The following CCSER1 variants were observed in gnomAD, a reference collection of about 807,000 sequenced individuals.
CCSER1 encodes the protein coiled-coil serine rich protein 1, also known as serine-rich coiled-coil domain-containing protein 1.
In CCSER1, 41 loss-of-function variants were observed where a neutral mutation model predicts 82.0. The observed-to-expected ratio is 0.50, with a 90% CI of 0.39 to 0.65. The LOEUF is 0.65. Ranked by LOEUF, CCSER1 falls within the 30% of genes least tolerant of loss-of-function variation. The pLI, the probability that CCSER1 is intolerant of heterozygous loss-of-function variation, is 0.00. For missense variants in CCSER1, 1,119 were observed against 1,064.2 expected (o/e 1.05, Z -0.72); for synonymous variants, 414 against 383.9 (o/e 1.08, Z -0.92).
intron 10 of CCSER1, among the ~76,000 whole-genome samples, chr4:91,334,709 GAGTA>G (rs1389927610): frequency 1.3e-5 from 2 of 152,106 alleles, no homozygotes; most frequent in African/African-American, 4.8e-5. Context: ...ACATTTAAGT[GAGTA>G]AGTGTCATCA....
intron 3 of CCSER1, among the ~76,000 whole-genome samples, chr4:90,313,877 A>G (rs1410800575): frequency 6.6e-6 from 1 of 152,192 alleles, no homozygotes; most frequent in Non-Finnish European, 1.5e-5. Context: ...AACATCTATT[A>G]TCTAAAAATG....
At chr4:90,708,912 T>G (rs1183427522) in intron 6 of CCSER1, among the ~76,000 whole-genome samples, 1 of 152,252 alleles carries the variant, frequency 6.6e-6, no homozygotes. Flanking sequence ...TAGTAAAAAT[T>G]AAGGCATTAG....
In CCSER1 at chr4:91,081,122, C is replaced by A. The variant is rs369521502; in HGVS notation, c.2173-4828C>A. Among the ~76,000 whole-genome samples, 15 of 152,282 alleles carry A rather than the reference C, an allele frequency of 9.9e-5. No individual in the cohort carries two copies. The South Asian group carries it at 3.1e-3, about 32-fold the overall frequency. On this transcript the variant is annotated intron_variant, in intron 9 of 10. Transcript: ENST00000509176. ...CACAACAAAAAAAGGGAGTTTTAGA[C>A]CAATATCCCTCATGAACATCGATGC... is the stretch of plus-strand genomic sequence containing the variant.
intron 1 of CCSER1, among the ~76,000 whole-genome samples, chr4:90,248,979 G>C (rs1721912694): frequency 6.6e-6 from 1 of 152,066 alleles, no homozygotes; most frequent in Admixed American, 6.6e-5. Flanking sequence ...TTACATGCAT[G>C]AGCCACAATG....
chr4:90,183,817 A>C (rs1003955153), intron 1 of CCSER1, among the ~76,000 whole-genome samples: 12 of 152,130 alleles, frequency 7.9e-5, no homozygotes, highest in Non-Finnish European at 1.5e-4. Flanking sequence ...TATTTTCCCA[A>C]ATATTTGAGT....
intron 1 of CCSER1, among the ~76,000 whole-genome samples, chr4:90,260,707 T>TA (rs1268876781): frequency 6.6e-6 from 1 of 152,164 alleles, no homozygotes. Flanking sequence ...TTCTAATTTT[T>TA]TATTTGATTT....
chr4:91,039,212 C>T (rs957033511), intron 9 of CCSER1, among the ~76,000 whole-genome samples: 3 of 145,668 alleles, frequency 2.1e-5, no homozygotes, highest in East Asian at 2.0e-4. Context: ...TTCTTTCTTT[C>T]TTTTTTTTTT....
At chr4:91,149,300 A>G (rs1729881915) in intron 10 of CCSER1, among the ~76,000 whole-genome samples, 1 of 152,196 alleles carries the variant, frequency 6.6e-6, no homozygotes, top group Admixed American at 6.5e-5. Flanking sequence ...GTGTCTGTTC[A>G]TATCCTTTGC....
At chr4:90,322,145 T>A (rs1358692582) in intron 3 of CCSER1, among the ~76,000 whole-genome samples, 2 of 152,158 alleles carry the variant, frequency 1.3e-5, no homozygotes, top group Non-Finnish European at 2.9e-5. Context: ...TCCATTTTGA[T>A]TTGATTTTTA....
At chr4:91,417,854 T>A (rs564417621) in intron 10 of CCSER1, among the ~76,000 whole-genome samples, 3 of 151,446 alleles carry the variant, frequency 2.0e-5, no homozygotes, top group South Asian at 4.2e-4. Context: ...AAAATAAAAG[T>A]TGAAGAGAAT....
intron 5 of CCSER1, among the ~76,000 whole-genome samples, chr4:90,605,033 CTG>C (rs971549304): frequency 3.9e-5 from 6 of 152,294 alleles, no homozygotes; most frequent in African/African-American, 1.4e-4. Context: ...TGTTCTTTGG[CTG>C]TTGGCAGTAA....
chr4:90,933,486 T>C (rs34370166), intron 9 of CCSER1, among the ~76,000 whole-genome samples: 63,466 of 151,292 alleles, frequency 0.42, 13,761 homozygotes, highest in African/African-American at 0.53. Context: ...CGTGCCAGGA[T>C]GAAGTGTTTT....
At chr4:91,218,103 G>A (rs781120034) in intron 10 of CCSER1, among the ~76,000 whole-genome samples, 4 of 152,228 alleles carry the variant, frequency 2.6e-5, no homozygotes, top group Non-Finnish European at 5.9e-5. Context: ...TGCAGGTCCC[G>A]AGCCCTGCCC....
At chr4:90,300,420 C>A (rs1023216489) in intron 1 of CCSER1, among the ~76,000 whole-genome samples, 1 of 152,100 alleles carries the variant, frequency 6.6e-6, no homozygotes, top group Non-Finnish European at 1.5e-5. Flanking sequence ...GATGTAGTAT[C>A]TTCTCATTCT....
At chr4:90,534,691 G>A (rs1218718197) in intron 5 of CCSER1, among the ~76,000 whole-genome samples, 1 of 152,080 alleles carries the variant, frequency 6.6e-6, no homozygotes, top group Non-Finnish European at 1.5e-5. Flanking sequence ...ATTTAGGATA[G>A]GAAATCAATT....
At chr4:90,591,024 A>G (rs1369786510) in intron 5 of CCSER1, among the ~76,000 whole-genome samples, 1 of 152,058 alleles carries the variant, frequency 6.6e-6, no homozygotes, top group Non-Finnish European at 1.5e-5. Context: ...GTCCCTTGTA[A>G]GTTGTATTCC....
At chr4:90,386,093 G>A (rs181077280) in intron 3 of CCSER1, among the ~76,000 whole-genome samples, 12 of 152,162 alleles carry the variant, frequency 7.9e-5, no homozygotes, top group South Asian at 2.1e-4. Context: ...CAAAGCAATC[G>A]ACAGATTAAA....
chr4:90,983,899 C>T (rs937814158), intron 9 of CCSER1, among the ~76,000 whole-genome samples: 4 of 151,798 alleles, frequency 2.6e-5, no homozygotes, highest in East Asian at 3.9e-4. Flanking sequence ...ACTGTTTATA[C>T]GATTCTCTAA....
intron 9 of CCSER1, among the ~76,000 whole-genome samples, chr4:91,042,044 A>G (rs916430843): frequency 6.6e-6 from 1 of 152,146 alleles, no homozygotes; most frequent in Non-Finnish European, 1.5e-5. Context: ...TGGAAGAATG[A>G]ACAAGATATT....
Sources: allele counts gnomAD v4.1 joint callset (sites outside exome capture counted in the v4.1 genomes callset), GRCh38; gene constraint gnomAD v4.1.1; transcripts MANE v1.5; gene names NCBI Gene and HGNC (gene_info 2026-07-23, HGNC 2026-07-21).